The following WIPF2 variants were observed in gnomAD, a reference collection of about 807,000 sequenced individuals.
WIPF2 encodes WAS/WASL interacting protein family member 2.
WIPF2 carries 23 observed loss-of-function variants against 38.8 expected under a neutral mutation model. The ratio of observed to expected loss-of-function variants is 0.59; its 90% CI spans 0.43 to 0.84. The LOEUF (loss-of-function observed/expected upper bound fraction) is 0.84. Among genes scored for constraint, WIPF2 ranks in the 40% least tolerant of loss-of-function variants. The pLI is 0.00. For missense variants in WIPF2, 574 were observed against 580.5 expected, an observed-to-expected ratio of 0.99 and a Z score of 0.11; for synonymous variants, 210 against 223.2, an observed-to-expected ratio of 0.94 and a Z score of 0.53.
intron 1 of WIPF2, among the ~76,000 whole-genome samples, chr17:40,231,177 T>G (rs1185765369): frequency 6.6e-6 from 1 of 152,150 alleles, no homozygotes; most frequent in East Asian, 1.9e-4. Context: ...TCTGATGGCT[T>G]AAGGGTATTA....
At position 40,271,468 on chromosome 17, in the gene WIPF2, C is replaced by T. The variant is rs1191475302; in HGVS notation, c.971-2322C>T. On this transcript the variant is annotated intron_variant, in intron 5 of 7. Coordinates refer to ENST00000323571, the MANE Select transcript of WIPF2 (RefSeq NM_133264.5). ...GCACTGAGCTATGATTCCACCACTGCGCTTTAACCTGGGTGACAGAGTGAG... is the reference window on the plus strand; with the variant it reads ...GCACTGAGCTATGATTCCACCACTGTGCTTTAACCTGGGTGACAGAGTGAG... Among the ~76,000 whole-genome samples the T allele has an allele frequency of 9.2e-5, 14 of 151,514 alleles. No homozygotes were observed. In the South Asian group the frequency reaches 1.2e-3, roughly 13 times the overall value.
intron 5 of WIPF2, among the ~76,000 whole-genome samples, chr17:40,272,920 C>G (rs2032289490): frequency 6.6e-6 from 1 of 152,142 alleles, no homozygotes; most frequent in Non-Finnish European, 1.5e-5. Context: ...AGTGGAAGTG[C>G]AGAGGAGGGC....
At position 40,252,196 on chromosome 17, in the gene WIPF2, A is replaced by G. The variant is rs2031580526; in HGVS notation, c.-69-4195A>G. ...TGCTAGAGAATTCCTGCTTTGCTTA[A>G]ATAAGTGGAGCACACTGACAGGCAT... On this transcript the variant is annotated intron_variant, in intron 1 of 7. Coordinates refer to ENST00000323571, the MANE Select transcript of WIPF2 (RefSeq NM_133264.5). 1.3e-5 allele frequency among the ~76,000 whole-genome samples: 2 copies of G among 152,196 alleles called. 1 individual carries two copies. The highest frequency in any genetic ancestry group is 4.8e-5 in the African/African-American group (2 of 41,452).
intron 1 of WIPF2, among the ~76,000 whole-genome samples, chr17:40,229,234 C>T (rs1035556646): frequency 2.0e-5 from 3 of 147,452 alleles, no homozygotes; most frequent in Non-Finnish European, 4.5e-5. Flanking sequence ...GCCTCAGCTT[C>T]CCGAGTAGCT....
intron 1 of WIPF2, among the ~76,000 whole-genome samples, chr17:40,249,713 A>G (rs541667385): frequency 1.3e-5 from 2 of 152,128 alleles, no homozygotes; most frequent in African/African-American, 4.8e-5. Context: ...TCGGCCTCCC[A>G]AAGTGCTGGG....
chr17:40,272,848 A>T (rs1344188186), intron 5 of WIPF2, among the ~76,000 whole-genome samples: 1 of 152,186 alleles, frequency 6.6e-6, no homozygotes, highest in Non-Finnish European at 1.5e-5. Flanking sequence ...TATACTGGGG[A>T]AAGAGCACAC....
chr17:40,281,773 G>C lies in WIPF2; in HGVS notation c.*3548G>C, dbSNP rs180994493. The C allele has an allele frequency of 6.6e-6, 1 of 152,562 alleles. No individual in the cohort carries two copies. The highest frequency in any genetic ancestry group is 1.9e-4 in the East Asian group (1 of 5,202). 9.5% of individuals were successfully genotyped at this position (152,562 alleles called of 1,614,324 possible). ...CTGTAGGCTGAGTGCTTATGGGGGT[G>C]GGGGAGAAGGGTGACTCCAGGGTCC... On this transcript the variant is annotated 3_prime_UTR_variant, in exon 8 of 8. Transcript: ENST00000323571.
chr17:40,259,840 C>T (rs748472789), intron 2 of WIPF2, among the ~76,000 whole-genome samples: 1 of 152,142 alleles, frequency 6.6e-6, no homozygotes, highest in Non-Finnish European at 1.5e-5. Flanking sequence ...TGAGCTAAGG[C>T]AAATATTGTG....
At chr17:40,227,977 C>CTGTA (rs1398576935) in intron 1 of WIPF2, among the ~76,000 whole-genome samples, 3 of 136,332 alleles carry the variant, frequency 2.2e-5, no homozygotes, top group Non-Finnish European at 4.8e-5. Context: ...TTAATACTAT[C>CTGTA]TGTATCTTTT....
Position 40,280,542 on chromosome 17 carries a change from A to G in WIPF2, c.*2317A>G, listed in dbSNP as rs2032524073. ...AAAAGGAGAGAGTACAAGAGTTGAT[A>G]CTGCATCAGAGTTCCAGGGCAGATA... On this transcript the variant is annotated 3_prime_UTR_variant, in exon 8 of 8. Transcript: ENST00000323571. 6.5e-6 allele frequency: 1 copy of G among 152,698 alleles called. No individual in the cohort carries two copies. The highest frequency in any genetic ancestry group is 2.4e-5 in the African/African-American group (1 of 41,454). 9.5% of individuals were successfully genotyped at this position (152,698 alleles called of 1,614,324 possible).
At chr17:40,263,451 A>G (rs1042171074) in intron 4 of WIPF2, among the ~76,000 whole-genome samples, 21 of 151,834 alleles carry the variant, frequency 1.4e-4, no homozygotes, top group South Asian at 2.1e-4. Flanking sequence ...GTACAGGTGC[A>G]TGGCCCCAGG....
In WIPF2 at chr17:40,219,386, C is replaced by T. The variant is rs1043249939; in HGVS notation, c.-176C>T. Reference sequence around the variant, plus strand: ...GGGGCGGTGGCGGCGGCGGCGGCGGCGGCGGCGGCGGCGACGGCGAGAAAG... The same window carrying T: ...GGGGCGGTGGCGGCGGCGGCGGCGGTGGCGGCGGCGGCGACGGCGAGAAAG... On this transcript the variant is annotated 5_prime_UTR_variant, in exon 1 of 8. Coordinates refer to ENST00000323571, the MANE Select transcript of WIPF2 (RefSeq NM_133264.5). 7 of 412,824 alleles carry T rather than the reference C, an allele frequency of 1.7e-5. No homozygotes were observed. Among genetic ancestry groups the T allele is most frequent in the Admixed American group, 3.8e-5 (1 of 26,170 alleles). 25.6% of individuals were successfully genotyped at this position (412,824 alleles called of 1,614,324 possible).
Position 40,219,320 on chromosome 17 carries a change from C to T in WIPF2, c.-242C>T. ...CCCGCCTCCATTTTGTTCGCGGACG[C>T]TGGGGACGGTGGGAGCAGATCCATT... is the stretch of plus-strand genomic sequence containing the variant. On this transcript the variant is annotated 5_prime_UTR_variant, in exon 1 of 8. Transcript: ENST00000323571. 1 of 308,748 alleles carries T rather than the reference C, an allele frequency of 3.2e-6. No individual in the cohort carries two copies. The highest frequency in any genetic ancestry group is 6.2e-6 in the Non-Finnish European group (1 of 161,024). 19.1% of individuals were successfully genotyped at this position (308,748 alleles called of 1,614,324 possible).
intron 6 of WIPF2, among the ~76,000 whole-genome samples, chr17:40,275,258 A>G (rs908249516): frequency 6.6e-6 from 1 of 150,734 alleles, no homozygotes; most frequent in Non-Finnish European, 1.5e-5. Flanking sequence ...AAAAAAAAAA[A>G]AAACAAAACC....
intron 1 of WIPF2, among the ~76,000 whole-genome samples, chr17:40,252,454 AG>A (rs2031588824): frequency 6.6e-6 from 1 of 152,162 alleles, no homozygotes; most frequent in Non-Finnish European, 1.5e-5. Context: ...ATTTGAGGTC[AG>A]GAGTTTGAGA....
chr17:40,233,579 G>A (rs1464267736), intron 1 of WIPF2, among the ~76,000 whole-genome samples: 2 of 151,680 alleles, frequency 1.3e-5, no homozygotes, highest in African/African-American at 4.8e-5. Context: ...CTGCCTTAGT[G>A]GGGAGTACAG....
In WIPF2 at chr17:40,279,380, C is replaced by T. The variant is rs568565319; in HGVS notation, c.*1155C>T. On this transcript the variant is annotated 3_prime_UTR_variant, in exon 8 of 8. Transcript: ENST00000323571. ...TCTTCCTGTTCCTTTCTCTACCACC[C>T]TTGCCTTCCCAGGACTGCACGGTTT... is the stretch of plus-strand genomic sequence containing the variant. The T allele has an allele frequency of 7.8e-5, 12 of 152,910 alleles. No individual in the cohort carries two copies. Among genetic ancestry groups the T allele is most frequent in the Admixed American group, 5.2e-4 (8 of 15,304 alleles). 9.5% of individuals were successfully genotyped at this position (152,910 alleles called of 1,614,324 possible).
chr17:40,219,362 GGGCGGTGGC>G lies in WIPF2; in HGVS notation c.-194_-186del, dbSNP rs1555557726. 7.9e-6 allele frequency: 3 copies of G among 378,384 alleles called. No individual in the cohort carries two copies. The highest frequency in any genetic ancestry group is 1.5e-5 in the Non-Finnish European group (3 of 201,210). 23.4% of individuals were successfully genotyped at this position (378,384 alleles called of 1,614,324 possible). A position where few individuals can be genotyped will look rare whatever the true frequency, so the allele number is the denominator to read the frequency against. ...AGATCCATTTCCGGGTTGGCAAAAG[GGGCGGTGGC>G]GGCGGCGGCGGCGGCGGCGGCGGCG... On this transcript the variant is annotated 5_prime_UTR_variant, in exon 1 of 8. Coordinates refer to ENST00000323571, the MANE Select transcript of WIPF2 (RefSeq NM_133264.5).
intron 2 of WIPF2, 25 bp downstream of exon 2, chr17:40,256,547 T>TAGCTAATGGATTTA (rs745631633): frequency 1.9e-6 from 3 of 1,589,664 alleles, no homozygotes; most frequent in Non-Finnish European, 2.6e-6. Context: ...CATTAGGCTA[T>TAGCTAATGGATTTA]CTCAAAACCT....
Sources: gnomAD v4.1 joint callset for allele counts (sites outside exome capture counted in the v4.1 genomes callset) on GRCh38, gnomAD v4.1.1 for gene constraint, MANE v1.5 for transcripts, NCBI Gene and HGNC (gene_info 2026-07-23, HGNC 2026-07-21) for gene names.